The following KIR2DL4 variants were observed in gnomAD, a reference collection of about 807,000 sequenced individuals.
KIR2DL4 encodes the protein killer cell immunoglobulin-like receptor 2DL4.
In KIR2DL4, 41 loss-of-function variants were observed where a neutral mutation model predicts 31.0. The ratio of observed to expected loss-of-function variants is 1.32; its 90% CI spans 1.03 to 1.72. The LOEUF is 1.72. Ranked by LOEUF, KIR2DL4 falls within the 40% of genes most tolerant of loss-of-function variation. The pLI is 0.00. For missense variants in KIR2DL4, 438 were observed against 353.7 expected, an observed-to-expected ratio of 1.24 and a Z score of -1.91; for synonymous variants, 164 against 133.6, an observed-to-expected ratio of 1.23 and a Z score of -1.57.
chr19:54,813,250 C>G, intron 6 of KIR2DL4: 1 of 1,595,680 alleles, frequency 6.3e-7, no homozygotes, highest in Non-Finnish European at 8.5e-7. Context: ...GAAGCAGAGG[C>G]CAGAGAACTC....
chr19:54,811,778 A>T (rs941985942), intron 5 of KIR2DL4, among the ~76,000 whole-genome samples: 11 of 151,314 alleles, frequency 7.3e-5, no homozygotes, highest in Non-Finnish European at 1.6e-4. Flanking sequence ...TGCCAGCACT[A>T]TCTCCTGGTC....
chr19:54,803,672 C>T (rs1411551387), exon 1 of KIR2DL4: 1 of 1,612,356 alleles, frequency 6.2e-7, no homozygotes, highest in East Asian at 2.2e-5. Flanking sequence ...CACCCACGGT[C>T]ATCATCCTGG....
At chr19:54,806,189 T>C (rs2060517605) in exon 4 of KIR2DL4, 1 of 1,611,568 alleles carries the variant, frequency 6.2e-7, no homozygotes, top group Non-Finnish European at 8.5e-7. Context: ...GCTCTTTCCA[T>C]GGATCTCCCT....
chr19:54,805,507 G>A (rs1449718287), intron 3 of KIR2DL4, among the ~76,000 whole-genome samples: 2 of 151,414 alleles, frequency 1.3e-5, no homozygotes, highest in Non-Finnish European at 2.9e-5. Context: ...CCACGAAGGG[G>A]CTGGAGAAAT....
In KIR2DL4 at chr19:54,805,097, G is replaced by C; in HGVS notation, c.361+20G>C. Reference sequence around the variant, plus strand: ...TCACAGGTCAGAGGGCTCCTGTCTGGGCTTCTCCTTGTCCCACCTCCTGAG... The same window carrying C: ...TCACAGGTCAGAGGGCTCCTGTCTGCGCTTCTCCTTGTCCCACCTCCTGAG... On this transcript the variant is annotated intron_variant, in intron 3 of 7. Transcript: ENST00000359085. The C allele has an allele frequency of 1.2e-5, 19 of 1,575,432 alleles. No homozygotes were observed. Among genetic ancestry groups the C allele is most frequent in the Non-Finnish European group, 1.6e-5 (19 of 1,165,002 alleles).
rs55792847 is a variant in KIR2DL4 at position 54,812,971 on chromosome 19, CGGAGAAAGCA to C, written c.707-144_707-135del. On this transcript the variant is annotated intron_variant, in intron 5 of 7. Transcript: ENST00000359085. Reference sequence around the variant, plus strand: ...TCTATTGTTATTATGAAAACTATAACGGAGAAAGCAGGAGAAAGCTGGGTCTCCCGCCTCG... The same window carrying C: ...TCTATTGTTATTATGAAAACTATAACGGAGAAAGCTGGGTCTCCCGCCTCG... Among the ~76,000 whole-genome samples, 25 of 142,238 alleles carry C rather than the reference CGGAGAAAGCA, an allele frequency of 1.8e-4. 1 individual carries two copies. The highest frequency in any genetic ancestry group is 3.4e-4 in the Non-Finnish European group (23 of 66,734). 93.3% of individuals were successfully genotyped at this position (142,238 alleles called of 152,430 possible). A position where few individuals can be genotyped will look rare whatever the true frequency, so the allele number is the denominator to read the frequency against.
exon 4 of KIR2DL4, chr19:54,806,224 C>A: frequency 6.2e-7 from 1 of 1,610,422 alleles, no homozygotes. Flanking sequence ...CCGAGTGACC[C>A]ACTGCCTGTT....
chr19:54,813,936 GC>G (rs1307208654), exon 8 of KIR2DL4: 1 of 1,611,912 alleles, frequency 6.2e-7, no homozygotes, highest in Non-Finnish European at 8.5e-7. Context: ...TCTCAGAGGA[GC>G]AAGAGACCCT....
chr19:54,806,277 T>C (rs1010727604), intron 4 of KIR2DL4, 33 bp downstream of exon 4: 1 of 1,597,292 alleles, frequency 6.3e-7, no homozygotes, highest in Non-Finnish European at 8.5e-7. Context: ...CCATGTCCTA[T>C]GGTCCTAGAG....
chr19:54,813,573 T>G, intron 6 of KIR2DL4, 117 bp from the exon 6 acceptor site: 3 of 1,037,010 alleles, frequency 2.9e-6, no homozygotes, highest in Non-Finnish European at 2.9e-6. Context: ...AGTCTGGCTG[T>G]TGGCAGCTGA....
chr19:54,810,018 T>A (rs2060763047), intron 5 of KIR2DL4, among the ~76,000 whole-genome samples: 1 of 149,910 alleles, frequency 6.7e-6, no homozygotes, highest in Admixed American at 6.6e-5. Flanking sequence ...TCTTGGACAC[T>A]GATATTGCAA....
chr19:54,808,395 T>C (rs1214156184), intron 4 of KIR2DL4, among the ~76,000 whole-genome samples: 5 of 151,362 alleles, frequency 3.3e-5, no homozygotes, highest in Admixed American at 6.6e-5. Context: ...GAGGTAGAGG[T>C]GCAGTTTCAT....
chr19:54,803,880 T>A lies in KIR2DL4; in HGVS notation c.41-11T>A. 1 of 1,609,404 alleles carries A rather than the reference T, an allele frequency of 6.2e-7. No homozygotes were observed. Among genetic ancestry groups the A allele is most frequent in the South Asian group, 1.1e-5 (1 of 90,464 alleles). On this transcript the variant is annotated splice_polypyrimidine_tract_variant and intron_variant, in intron 1 of 7. Coordinates refer to ENST00000359085, the Ensembl canonical transcript of KIR2DL4. ...CCGAGATGAATAGTTCATCATGATCTTTCTTTGCAGGGTTCTTCTTGGACC... is the reference window on the plus strand; with the variant it reads ...CCGAGATGAATAGTTCATCATGATCATTCTTTGCAGGGTTCTTCTTGGACC...
intron 6 of KIR2DL4, chr19:54,813,255 G>T: frequency 6.3e-7 from 1 of 1,597,452 alleles, no homozygotes; most frequent in Non-Finnish European, 8.5e-7. Context: ...AGAGGCCAGA[G>T]AACTCAGGGC....
At chr19:54,812,386 AC>A (rs2060913992) in intron 5 of KIR2DL4, among the ~76,000 whole-genome samples, 1 of 151,418 alleles carries the variant, frequency 6.6e-6, no homozygotes, top group African/African-American at 2.4e-5. Context: ...CCCTGGAGCC[AC>A]AGGGAACACT....
In KIR2DL4 at chr19:54,806,261, T is replaced by G. The variant is rs1342132635; in HGVS notation, c.655+17T>G. ...CTGTCACAGGTGAGGAAAGCCAATG[T>G]CTGTCCCATGTCCTATGGTCCTAGA... On this transcript the variant is annotated intron_variant, in intron 4 of 7. Transcript: ENST00000359085. The G allele has an allele frequency of 6.2e-6, 10 of 1,604,710 alleles. No individual in the cohort carries two copies. Among genetic ancestry groups the G allele is most frequent in the Non-Finnish European group, 8.5e-6 (10 of 1,175,970 alleles).
chr19:54,808,968 CA>C, intron 5 of KIR2DL4, 85 bp downstream of exon 5: 1 of 1,071,980 alleles, frequency 9.3e-7, no homozygotes, highest in South Asian at 1.3e-5. Flanking sequence ...CAGCACCTGC[CA>C]GCTCTGTGAT....
intron 5 of KIR2DL4, among the ~76,000 whole-genome samples, chr19:54,811,959 T>G (rs1197524641): frequency 6.6e-6 from 1 of 151,432 alleles, no homozygotes; most frequent in East Asian, 1.9e-4. Context: ...GGCTGTTTGA[T>G]ATAAGACAGC....
intron 4 of KIR2DL4, among the ~76,000 whole-genome samples, chr19:54,806,776 G>A (rs1012197473): frequency 6.6e-6 from 1 of 150,452 alleles, no homozygotes; most frequent in East Asian, 2.0e-4. Flanking sequence ...GAGACGCCAA[G>A]GCAGGTGGAT....
Sources: allele counts gnomAD v4.1 joint callset (sites outside exome capture counted in the v4.1 genomes callset), GRCh38; gene constraint gnomAD v4.1.1; transcripts MANE v1.5; gene names NCBI Gene and HGNC (gene_info 2026-07-23, HGNC 2026-07-21).